MEIS2: variants seen among roughly 807,000 people sequenced by gnomAD.
MEIS2 encodes Meis homeobox 2, also known as homeobox protein Meis2.
Under a neutral mutation model 58.6 loss-of-function variants are expected in MEIS2, and 9 were observed. The ratio of observed to expected loss-of-function variants is 0.15; its 90% CI spans 0.09 to 0.27. MEIS2 has a LOEUF of 0.27. Ranked by LOEUF, MEIS2 falls within the 10% of genes least tolerant of loss-of-function variation. The pLI, the probability that MEIS2 is intolerant of heterozygous loss-of-function variation, is 1.00. For synonymous variants in MEIS2, 221 were observed against 228.4 expected (o/e 0.97, Z 0.29); for missense variants, 427 against 635.0 (o/e 0.67, Z 3.52).
intron 8 of MEIS2, among the ~76,000 whole-genome samples, chr15:36,997,756 C>T (rs1467256603): frequency 2.0e-5 from 3 of 152,188 alleles, no homozygotes; most frequent in African/African-American, 7.2e-5. Context: ...GCTGGGATTA[C>T]AGGCATGAGC....
chr15:37,061,068 T>A (rs1889145151), intron 7 of MEIS2, among the ~76,000 whole-genome samples: 1 of 152,212 alleles, frequency 6.6e-6, no homozygotes, highest in Admixed American at 6.5e-5. Context: ...TACAGATTTG[T>A]ATCTGATCCT....
chr15:36,890,652 C>T lies in MEIS2; in HGVS notation c.*1521G>A, dbSNP rs1236316131. On this transcript the variant is annotated 3_prime_UTR_variant, in exon 12 of 12. Coordinates refer to ENST00000561208, the MANE Select transcript of MEIS2 (RefSeq NM_170675.5). ...CACAGGCAGATAAATTACCTTTGAG[C>T]ACAGACATTATTTCTTATGTTGTAA... 6.6e-6 allele frequency: 1 copy of T among 152,094 alleles called. No individual in the cohort carries two copies. The highest frequency in any genetic ancestry group is 2.4e-5 in the African/African-American group (1 of 41,404). The allele number at this position is 152,094 out of a possible 1,614,324, so 9.4% of individuals were successfully genotyped here.
chr15:37,050,340 A>C lies in MEIS2; in HGVS notation c.755-13381T>G, dbSNP rs185269067. ...TATAGTTTGTGCCTAGGCTTTTATTAAATGAATGGATGGAGGGCTCTCTTA... is the reference window on the plus strand; with the variant it reads ...TATAGTTTGTGCCTAGGCTTTTATTCAATGAATGGATGGAGGGCTCTCTTA... On this transcript the variant is annotated intron_variant, in intron 7 of 11. Coordinates refer to ENST00000561208, the MANE Select transcript of MEIS2 (RefSeq NM_170675.5). Among the ~76,000 whole-genome samples the C allele has an allele frequency of 1.1e-4, 17 of 152,338 alleles. No individual in the cohort carries two copies. The East Asian group carries it at 3.3e-3, about 29-fold the overall frequency.
At chr15:36,996,295 C>A (rs756503053) in intron 8 of MEIS2, among the ~76,000 whole-genome samples, 2 of 151,976 alleles carry the variant, frequency 1.3e-5, no homozygotes, top group Admixed American at 1.3e-4. Flanking sequence ...TTTTCAACAG[C>A]TCTAGGTGTT....
intron 8 of MEIS2, among the ~76,000 whole-genome samples, chr15:36,970,913 C>T (rs1216463743): frequency 6.6e-6 from 1 of 152,028 alleles, no homozygotes; most frequent in East Asian, 1.9e-4. Context: ...AATACAACTG[C>T]AGTATGTATA....
intron 6 of MEIS2, among the ~76,000 whole-genome samples, chr15:37,086,792 AGG>A (rs1194254011): frequency 6.6e-6 from 1 of 152,216 alleles, no homozygotes; most frequent in East Asian, 1.9e-4. Context: ...GAGCTACACA[AGG>A]TGGTGATGTG....
chr15:36,913,033 C>T (rs1210535697), intron 9 of MEIS2, among the ~76,000 whole-genome samples: 1 of 152,052 alleles, frequency 6.6e-6, no homozygotes, highest in Non-Finnish European at 1.5e-5. Context: ...AACTCCTTGG[C>T]AGTTATACCA....
chr15:36,970,506 A>G (rs536883320), intron 8 of MEIS2, among the ~76,000 whole-genome samples: 3 of 152,208 alleles, frequency 2.0e-5, no homozygotes, highest in African/African-American at 7.2e-5. Flanking sequence ...AAATCTCCCT[A>G]CAAGAAATCA....
chr15:37,063,565 G>C (rs1889532313), intron 7 of MEIS2, among the ~76,000 whole-genome samples: 1 of 152,144 alleles, frequency 6.6e-6, no homozygotes, highest in African/African-American at 2.4e-5. Context: ...CACAATGTTG[G>C]GCATAGAGTA....
chr15:36,998,917 T>G (rs1203125273), intron 8 of MEIS2, among the ~76,000 whole-genome samples: 1 of 152,222 alleles, frequency 6.6e-6, no homozygotes, highest in Non-Finnish European at 1.5e-5. Context: ...GATTCAAATC[T>G]TAAGCATTCT....
intron 8 of MEIS2, among the ~76,000 whole-genome samples, chr15:36,993,906 A>T (rs1329461760): frequency 6.6e-6 from 1 of 152,182 alleles, no homozygotes; most frequent in Non-Finnish European, 1.5e-5. Context: ...TTACAATGAT[A>T]GTCTTGTTAC....
chr15:37,025,065 T>C (rs2061655959), intron 8 of MEIS2, among the ~76,000 whole-genome samples: 1 of 152,208 alleles, frequency 6.6e-6, no homozygotes, highest in South Asian at 2.1e-4. Flanking sequence ...ACATGTGCTA[T>C]GTGTAGGATT....
intron 6 of MEIS2, among the ~76,000 whole-genome samples, chr15:37,088,577 G>T (rs867767540): frequency 3.3e-5 from 5 of 152,162 alleles, no homozygotes; most frequent in Admixed American, 6.5e-5. Context: ...GTGTTGTAAA[G>T]TTGACATAAG....
Position 36,890,737 on chromosome 15 carries a change from A to G in MEIS2, c.*1436T>C, listed in dbSNP as rs2055810491. The G allele has an allele frequency of 6.6e-6, 1 of 152,150 alleles. No individual in the cohort carries two copies. Among genetic ancestry groups the G allele is most frequent in the Non-Finnish European group, 1.5e-5 (1 of 68,004 alleles). The allele number at this position is 152,150 out of a possible 1,614,324, so 9.4% of individuals were successfully genotyped here. A position where few individuals can be genotyped will look rare whatever the true frequency, so the allele number is the denominator to read the frequency against. ...GATGCCCATGAAAAGCTTTATCTGA[A>G]AGTATATATTTTTTAACGTCATGCA... On this transcript the variant is annotated 3_prime_UTR_variant, in exon 12 of 12. Transcript: ENST00000561208.
intron 8 of MEIS2, among the ~76,000 whole-genome samples, chr15:36,970,697 G>T (rs1168188891): frequency 1.3e-5 from 2 of 152,102 alleles, no homozygotes; most frequent in African/African-American, 4.8e-5. Context: ...AGGGATGTCC[G>T]CTGTAACCAG....
At chr15:36,919,286 A>T (rs1306194297) in intron 9 of MEIS2, among the ~76,000 whole-genome samples, 1 of 152,184 alleles carries the variant, frequency 6.6e-6, no homozygotes, top group Admixed American at 6.5e-5. Context: ...TGTACTTAAG[A>T]AATTTTGGAG....
chr15:37,067,001 G>A (rs1305703705), intron 7 of MEIS2, among the ~76,000 whole-genome samples: 3 of 151,392 alleles, frequency 2.0e-5, no homozygotes, highest in East Asian at 1.9e-4. Flanking sequence ...GCCTAGTCTC[G>A]AATACCTGGC....
chr15:36,918,420 G>C (rs2057367932), intron 9 of MEIS2, among the ~76,000 whole-genome samples: 1 of 151,856 alleles, frequency 6.6e-6, no homozygotes, highest in African/African-American at 2.4e-5. Context: ...GCAATGTGAA[G>C]TCCAATTTGT....
chr15:36,920,874 C>G (rs984362459), intron 9 of MEIS2, among the ~76,000 whole-genome samples: 28 of 152,278 alleles, frequency 1.8e-4, no homozygotes, highest in African/African-American at 6.5e-4. Flanking sequence ...ACTGACCAGT[C>G]TGACAAATAT....
Sources: gnomAD v4.1 joint callset for allele counts (sites outside exome capture counted in the v4.1 genomes callset) on GRCh38, gnomAD v4.1.1 for gene constraint, MANE v1.5 for transcripts, NCBI Gene and HGNC (gene_info 2026-07-23, HGNC 2026-07-21) for gene names.